HDAC9: variants seen among roughly 807,000 people sequenced by gnomAD.
HDAC9 encodes histone deacetylase 9.
Under a neutral mutation model 139.4 loss-of-function variants are expected in HDAC9, and 41 were observed. That is an observed-to-expected ratio of 0.29 (90% CI 0.23 to 0.38). The LOEUF (loss-of-function observed/expected upper bound fraction) is 0.38, where lower values mean the gene tolerates loss of function less well. Among genes scored for constraint, HDAC9 ranks in the 10% least tolerant of loss-of-function variants. The probability of loss-of-function intolerance (pLI) is 1.00; values close to 1 mark genes in which losing one functional copy is unlikely to be tolerated. For missense variants in HDAC9, 1,147 were observed against 1,297.0 expected (o/e 0.88, Z 1.78); for synonymous variants, 517 against 476.2 (o/e 1.09, Z -1.12).
chr7:18,948,546 A>G (rs891027828), intron 23 of HDAC9, among the ~76,000 whole-genome samples: 5 of 152,190 alleles, frequency 3.3e-5, no homozygotes, highest in African/African-American at 1.2e-4. Flanking sequence ...GGAATTTTGT[A>G]CAATGTTTGA....
intron 5 of HDAC9, 57 bp from the exon 6 acceptor site, chr7:18,593,851 G>C (rs1422134774): frequency 6.3e-7 from 1 of 1,593,850 alleles, no homozygotes; most frequent in Admixed American, 1.7e-5. Flanking sequence ...GATTATTGCT[G>C]ACCAATATGC....
intron 16 of HDAC9, among the ~76,000 whole-genome samples, chr7:18,769,017 T>A (rs898583336): frequency 4.6e-5 from 7 of 152,164 alleles, no homozygotes. Flanking sequence ...TAAGCCATGA[T>A]GTTTGGTAAG....
intron 2 of HDAC9, among the ~76,000 whole-genome samples, chr7:18,187,177 C>T (rs80353572): frequency 0.064 from 9,785 of 152,140 alleles, 427 homozygotes; most frequent in Non-Finnish European, 0.091. Context: ...AAAATAAAGG[C>T]GGGCAAAAAT....
intron 16 of HDAC9, among the ~76,000 whole-genome samples, chr7:18,777,032 G>C (rs2257696): frequency 0.23 from 35,129 of 151,556 alleles, 4,724 homozygotes; most frequent in East Asian, 0.6. Flanking sequence ...CTAGGCACAC[G>C]CTGAGATGCT....
At chr7:18,369,720 A>G (rs1027326918) in intron 1 of HDAC9, among the ~76,000 whole-genome samples, 3 of 152,068 alleles carry the variant, frequency 2.0e-5, no homozygotes, top group Admixed American at 6.6e-5. Context: ...CAGTGTTTCA[A>G]GGTTCAGCAA....
chr7:18,360,551 G>A (rs1372118658), intron 1 of HDAC9, among the ~76,000 whole-genome samples: 2 of 152,106 alleles, frequency 1.3e-5, no homozygotes, highest in Non-Finnish European at 2.9e-5. Context: ...ACCGTTTCAA[G>A]TGCTTTTCCT....
chr7:18,165,439 G>A lies in HDAC9; in HGVS notation c.25+3090G>A, dbSNP rs72591359. Among the ~76,000 whole-genome samples, 1,614 of 152,240 alleles carry A rather than the reference G, an allele frequency of 0.011. 52 individuals carry two copies. The East Asian group carries it at 0.11, about 11-fold the overall frequency. ...CTTATCTCAAGTAAATGTTTCTCTT[G>A]TGAGCAAAACTATGCTAATTCAGTT... On this transcript the variant is annotated intron_variant, in intron 2 of 12. Coordinates refer to the HDAC9 transcript ENST00000417496.
At chr7:18,718,208 G>T (rs148178953) in intron 12 of HDAC9, among the ~76,000 whole-genome samples, 2 of 151,928 alleles carry the variant, frequency 1.3e-5, no homozygotes, top group African/African-American at 2.4e-5. Flanking sequence ...TATGTAAATC[G>T]TATTGTATGG....
At chr7:18,562,409 C>A (rs1183528977) in intron 2 of HDAC9, among the ~76,000 whole-genome samples, 4 of 152,104 alleles carry the variant, frequency 2.6e-5, no homozygotes, top group Admixed American at 6.6e-5. Flanking sequence ...GATTTACTCA[C>A]GTATTTTCTT....
chr7:18,872,677 T>G (rs1383980096), intron 21 of HDAC9, among the ~76,000 whole-genome samples: 2 of 152,136 alleles, frequency 1.3e-5, no homozygotes, highest in Non-Finnish European at 2.9e-5. Flanking sequence ...GTTCTAAAAT[T>G]ATGTGGGCAA....
intron 14 of HDAC9, among the ~76,000 whole-genome samples, chr7:18,752,217 A>G (rs1788512042): frequency 6.6e-6 from 1 of 152,130 alleles, no homozygotes. Flanking sequence ...AGAAAAGCAC[A>G]CCATGGAGGC....
intron 6 of HDAC9, among the ~76,000 whole-genome samples, chr7:18,608,888 C>G (rs9655159): frequency 0.025 from 3,741 of 152,182 alleles, 155 homozygotes; most frequent in African/African-American, 0.086. Context: ...AACAGTTGAA[C>G]CACCGTACTT....
intron 12 of HDAC9, among the ~76,000 whole-genome samples, chr7:18,720,679 T>C (rs1785076370): frequency 6.6e-6 from 1 of 151,648 alleles, no homozygotes; most frequent in Non-Finnish European, 1.5e-5. Context: ...TTCTTTTTTT[T>C]TTTTCTTTTC....
chr7:18,666,669 A>T, intron 12 of HDAC9, 193 bp downstream of exon 12: 1 of 1,386,866 alleles, frequency 7.2e-7, no homozygotes, highest in South Asian at 1.6e-5. Flanking sequence ...CTATATACTG[A>T]TCTCTATATA....
chr7:18,459,029 C>T, intron 1 of HDAC9: 1 of 676,144 alleles, frequency 1.5e-6, no homozygotes. Flanking sequence ...ATATGCTTGA[C>T]CCAGTTTTGC....
At chr7:18,697,941 A>G (rs1280101182) in intron 12 of HDAC9, among the ~76,000 whole-genome samples, 1 of 152,134 alleles carries the variant, frequency 6.6e-6, no homozygotes, top group African/African-American at 2.4e-5. Flanking sequence ...GATGGTAGTC[A>G]TGGAAGTGTT....
At chr7:18,581,058 A>G (rs1369628880) in intron 2 of HDAC9, among the ~76,000 whole-genome samples, 2 of 152,192 alleles carry the variant, frequency 1.3e-5, no homozygotes, top group South Asian at 2.1e-4. Context: ...GAGATGAGCT[A>G]TTGTCCAAGT....
At chr7:18,346,051 A>G (rs913021630) in intron 1 of HDAC9, among the ~76,000 whole-genome samples, 1 of 152,130 alleles carries the variant, frequency 6.6e-6, no homozygotes, top group South Asian at 2.1e-4. Context: ...ACCAATGCTA[A>G]TTTAGAAAAT....
chr7:18,255,167 T>A (rs1193983573), intron 2 of HDAC9, among the ~76,000 whole-genome samples: 1 of 152,118 alleles, frequency 6.6e-6, no homozygotes, highest in Non-Finnish European at 1.5e-5. Flanking sequence ...CCAGTAGGTG[T>A]TTTCAGGATA....
Sources: gnomAD v4.1 joint callset for allele counts (sites outside exome capture counted in the v4.1 genomes callset) on GRCh38, gnomAD v4.1.1 for gene constraint, MANE v1.5 for transcripts, NCBI Gene and HGNC (gene_info 2026-07-23, HGNC 2026-07-21) for gene names.